Variants in SLCO1B1 observed in about 807,000 individuals in gnomAD.
SLCO1B1 encodes the protein OATP-2.
A neutral mutation model predicts 70.1 loss-of-function variants in SLCO1B1; 81 were observed. The observed-to-expected ratio is 1.16, with a 90% CI of 0.97 to 1.39. SLCO1B1 has a LOEUF of 1.39. SLCO1B1 is among the 40% of genes most tolerant of loss of function. The pLI is 0.00. For synonymous variants in SLCO1B1, 283 were observed against 271.5 expected (o/e 1.04, Z -0.42); for missense variants, 895 against 799.6 (o/e 1.12, Z -1.44).
intron 2 of SLCO1B1, among the ~76,000 whole-genome samples, chr12:21,142,523 T>C (rs1381999969): frequency 6.6e-6 from 1 of 151,998 alleles, no homozygotes; most frequent in African/African-American, 2.4e-5. Flanking sequence ...TGTAGTCTTA[T>C]ACAGCTGAAT....
chr12:21,201,640 T>C (rs1941159224), intron 9 of SLCO1B1, among the ~76,000 whole-genome samples: 2 of 152,166 alleles, frequency 1.3e-5, no homozygotes, highest in Admixed American at 6.6e-5. Context: ...TAGAACTCTA[T>C]CTGAGAGAGG....
chr12:21,219,337 A>G (rs531320360), intron 12 of SLCO1B1, among the ~76,000 whole-genome samples: 1 of 152,328 alleles, frequency 6.6e-6, no homozygotes, highest in South Asian at 2.1e-4. Context: ...ACATAGGAGG[A>G]ACAATCCAGG....
Position 21,175,598 on chromosome 12 carries a change from TG to T in SLCO1B1, c.359+890del, listed in dbSNP as rs906720767. ...TGCCAAATCCAGCAATGACATCATT[TG>T]CTCACCATATTAAATCCATTCACCC... On this transcript the variant is annotated intron_variant, in intron 4 of 14. Transcript: ENST00000256958. Among the ~76,000 whole-genome samples the T allele has an allele frequency of 1.9e-4, 29 of 152,254 alleles. 1 individual carries two copies. The highest frequency in any genetic ancestry group is 1.8e-3 in the Admixed American group (27 of 15,294).
chr12:21,232,399 T>G, intron 14 of SLCO1B1, among the ~76,000 whole-genome samples: 1 of 152,088 alleles, frequency 6.6e-6, no homozygotes, highest in Admixed American at 6.5e-5. Flanking sequence ...TACTGCCACA[T>G]AGTTACAAGA....
At chr12:21,195,618 A>T (rs1941082411) in intron 7 of SLCO1B1, among the ~76,000 whole-genome samples, 1 of 152,142 alleles carries the variant, frequency 6.6e-6, no homozygotes, top group Non-Finnish European at 1.5e-5. Context: ...TTGGACACAG[A>T]AAAGATGAAA....
intron 7 of SLCO1B1, among the ~76,000 whole-genome samples, chr12:21,187,057 T>A (rs1475621896): frequency 6.6e-6 from 1 of 152,124 alleles, no homozygotes; most frequent in African/African-American, 2.4e-5. Context: ...AAAGCATATC[T>A]GCATGAGCAG....
rs1158202523 is a variant in SLCO1B1, at chr12:21,182,120, CTG to C, written c.727+3101_727+3102del. 3.9e-5 allele frequency among the ~76,000 whole-genome samples: 6 copies of C among 152,252 alleles called. No homozygotes were observed. The South Asian group carries it at 1.2e-3, about 32-fold the overall frequency. On this transcript the variant is annotated intron_variant, in intron 7 of 14. Transcript: ENST00000256958. ...AGTCAATAGAGAGGTGACACAGACA[CTG>C]AGGCTGAAGAGAGAGAAAGCTGGAA...
intron 11 of SLCO1B1, 36 bp from the exon 12 acceptor site, chr12:21,217,083 A>C (rs776876521): frequency 6.3e-7 from 1 of 1,582,562 alleles, no homozygotes; most frequent in Non-Finnish European, 8.7e-7. Flanking sequence ...AGGTCTTGCA[A>C]ATTTCTTATG....
intron 11 of SLCO1B1, among the ~76,000 whole-genome samples, chr12:21,211,702 T>A (rs1304853734): frequency 6.6e-6 from 1 of 152,234 alleles, no homozygotes; most frequent in African/African-American, 2.4e-5. Flanking sequence ...GGACTCTTTT[T>A]GGTTGGTAAG....
In SLCO1B1 at chr12:21,178,906, T is replaced by C. The variant is rs760726940; in HGVS notation, c.629-16T>C. 6 of 1,577,036 alleles carry C rather than the reference T, an allele frequency of 3.8e-6. No homozygotes were observed. The highest frequency in any genetic ancestry group is 5.2e-6 in the Non-Finnish European group (6 of 1,147,240). ...CATTCTTGGCATCTAGTAAAATTGC[T>C]TTATAATATTTTCAGGTATATTGAA... On this transcript the variant is annotated splice_polypyrimidine_tract_variant and intron_variant, in intron 6 of 14. Transcript: ENST00000256958.
chr12:21,211,703 G>A (rs1042919487), intron 11 of SLCO1B1, among the ~76,000 whole-genome samples: 2 of 152,222 alleles, frequency 1.3e-5, no homozygotes, highest in Middle Eastern at 3.4e-3. Context: ...GACTCTTTTT[G>A]GTTGGTAAGC....
intron 2 of SLCO1B1, among the ~76,000 whole-genome samples, chr12:21,170,666 T>C (rs1490257023): frequency 6.6e-6 from 1 of 152,236 alleles, no homozygotes; most frequent in African/African-American, 2.4e-5. Flanking sequence ...TTAATACAAC[T>C]AGTTTTGATA....
intron 11 of SLCO1B1, among the ~76,000 whole-genome samples, chr12:21,215,654 G>C (rs1591824247): frequency 6.6e-6 from 1 of 152,046 alleles, no homozygotes; most frequent in Non-Finnish European, 1.5e-5. Flanking sequence ...TGGCCTGTTG[G>C]TTTGTTTTTG....
intron 2 of SLCO1B1, among the ~76,000 whole-genome samples, chr12:21,147,354 G>A (rs750396501): frequency 3.3e-5 from 5 of 152,042 alleles, no homozygotes; most frequent in Non-Finnish European, 5.9e-5. Context: ...TGTTACATAG[G>A]TAAACACATG....
chr12:21,215,662 T>C (rs1023257043), intron 11 of SLCO1B1, among the ~76,000 whole-genome samples: 3 of 152,154 alleles, frequency 2.0e-5, no homozygotes, highest in African/African-American at 7.2e-5. Flanking sequence ...TGGTTTGTTT[T>C]TGATGTTGTT....
chr12:21,228,495 A>G (rs572734172), intron 14 of SLCO1B1, among the ~76,000 whole-genome samples: 53 of 152,268 alleles, frequency 3.5e-4, no homozygotes, highest in Middle Eastern at 3.4e-3. Flanking sequence ...GGAATCTGTA[A>G]TTACACTATG....
At chr12:21,170,408 T>A (rs1204338434) in intron 2 of SLCO1B1, among the ~76,000 whole-genome samples, 2 of 152,206 alleles carry the variant, frequency 1.3e-5, no homozygotes, top group East Asian at 3.9e-4. Context: ...ATATTGTGTC[T>A]TGCTGTTGAG....
intron 2 of SLCO1B1, among the ~76,000 whole-genome samples, chr12:21,158,239 G>A (rs187785230): frequency 3.9e-5 from 6 of 152,158 alleles, no homozygotes; most frequent in East Asian, 3.9e-4. Flanking sequence ...ATATGTTGAC[G>A]TCATTAGCAG....
chr12:21,182,631 C>A (rs1160869500), intron 7 of SLCO1B1, among the ~76,000 whole-genome samples: 1 of 152,092 alleles, frequency 6.6e-6, no homozygotes, highest in Non-Finnish European at 1.5e-5. Context: ...TTTTCAAGGA[C>A]CCCCACCTGA....
Sources: gnomAD v4.1 joint callset for allele counts (sites outside exome capture counted in the v4.1 genomes callset) on GRCh38, gnomAD v4.1.1 for gene constraint, MANE v1.5 for transcripts, NCBI Gene and HGNC (gene_info 2026-07-23, HGNC 2026-07-21) for gene names.